The following DBF4 variants were observed in gnomAD, a reference collection of about 807,000 sequenced individuals.
DBF4 encodes protein DBF4 homolog A.
Under a neutral mutation model 76.6 loss-of-function variants are expected in DBF4, and 25 were observed. That is an observed-to-expected ratio of 0.33 (90% CI 0.24 to 0.46). DBF4 has a LOEUF of 0.46. DBF4 is among the 20% of genes least tolerant of loss of function. The pLI is 1.00. For missense variants in DBF4, 638 were observed against 760.8 expected, an observed-to-expected ratio of 0.84 and a Z score of 1.90; for synonymous variants, 213 against 258.0, an observed-to-expected ratio of 0.83 and a Z score of 1.67.
chr7:87,897,193 G>GT, intron 7 of DBF4, 101 bp from the exon 8 acceptor site: 3 of 1,134,590 alleles, frequency 2.6e-6, no homozygotes, highest in Non-Finnish European at 3.8e-6. Context: ...TGGATACATA[G>GT]TTTTTTGTTT....
chr7:87,907,077 A>T (rs1203885978), intron 11 of DBF4, 111 bp from the exon 12 acceptor site: 1 of 1,125,618 alleles, frequency 8.9e-7, no homozygotes, highest in Non-Finnish European at 1.2e-6. Flanking sequence ...CCTAAGTTAA[A>T]TAGGTTTCTT....
intron 8 of DBF4, 57 bp downstream of exon 8, chr7:87,897,396 CCTAA>C (rs1839669392): frequency 6.6e-6 from 10 of 1,513,240 alleles, no homozygotes; most frequent in East Asian, 4.5e-5. Context: ...AGGAAAATCA[CCTAA>C]CTAATTAGGC....
intron 11 of DBF4, among the ~76,000 whole-genome samples, chr7:87,906,167 A>C (rs1253120591): frequency 1.3e-5 from 2 of 151,898 alleles, no homozygotes; most frequent in African/African-American, 4.8e-5. Context: ...AAAAAAAACA[A>C]AAAACAAAAA....
chr7:87,876,964 C>G (rs1839068780), intron 1 of DBF4, among the ~76,000 whole-genome samples, 186 bp downstream of exon 1: 1 of 152,204 alleles, frequency 6.6e-6, no homozygotes, highest in Non-Finnish European at 1.5e-5. Context: ...TGACCCGGCC[C>G]CTCGAGCGCT....
At chr7:87,900,103 C>T in intron 8 of DBF4, 118 bp from the exon 9 acceptor site, 2 of 857,612 alleles carry the variant, frequency 2.3e-6, no homozygotes, top group South Asian at 1.8e-5. Context: ...TGAAGGAAAG[C>T]CTAAATAATT....
chr7:87,893,960 G>T (rs1839561259), intron 6 of DBF4, among the ~76,000 whole-genome samples: 1 of 151,940 alleles, frequency 6.6e-6, no homozygotes, highest in African/African-American at 2.4e-5. Flanking sequence ...TATTTTAGTG[G>T]TTGCTATAGG....
intron 1 of DBF4, 83 bp downstream of exon 1, chr7:87,876,861 C>T: frequency 6.8e-7 from 1 of 1,472,472 alleles, no homozygotes; most frequent in Non-Finnish European, 9.4e-7. Flanking sequence ...AGACTTCTCC[C>T]GCCGGGTCCT....
intron 10 of DBF4, among the ~76,000 whole-genome samples, chr7:87,903,200 A>G (rs1307672452): frequency 6.6e-6 from 1 of 152,230 alleles, no homozygotes; most frequent in South Asian, 2.1e-4. Flanking sequence ...CTACTGCCTC[A>G]GCCTCTCTGG....
chr7:87,894,299 T>A (rs954210432), intron 6 of DBF4, among the ~76,000 whole-genome samples: 1 of 152,012 alleles, frequency 6.6e-6, no homozygotes, highest in African/African-American at 2.4e-5. Context: ...CTACAAAAAA[T>A]ATATATATAA....
At position 87,876,539 on chromosome 7, in the gene DBF4, T is replaced by G. The variant is rs922731518; in HGVS notation, c.-194T>G. On this transcript the variant is annotated 5_prime_UTR_variant, in exon 1 of 12. Coordinates refer to ENST00000265728, the MANE Select transcript of DBF4 (RefSeq NM_006716.4). ...CACTCGTTTGTGCTTTGCGCCTTCCTCCTCCGCGCCTTGGAGCCGGATCCG... is the reference window on the plus strand; with the variant it reads ...CACTCGTTTGTGCTTTGCGCCTTCCGCCTCCGCGCCTTGGAGCCGGATCCG... The G allele has an allele frequency of 8.1e-6, 5 of 615,834 alleles. No homozygotes were observed. Among genetic ancestry groups the G allele is most frequent in the Non-Finnish European group, 1.4e-5 (5 of 347,124 alleles). 38.1% of individuals were successfully genotyped at this position (615,834 alleles called of 1,614,324 possible). A position where few individuals can be genotyped will look rare whatever the true frequency, so the allele number is the denominator to read the frequency against.
chr7:87,886,757 A>C (rs1489563101), intron 3 of DBF4, 87 bp from the exon 4 acceptor site: 1 of 834,404 alleles, frequency 1.2e-6, no homozygotes, highest in Non-Finnish European at 2.0e-6. Context: ...TATGAGACCC[A>C]AAAGTTCTCT....
chr7:87,898,119 CTGCCA>C (rs1474850545), intron 8 of DBF4, among the ~76,000 whole-genome samples: 2 of 152,214 alleles, frequency 1.3e-5, no homozygotes, highest in Non-Finnish European at 2.9e-5. Flanking sequence ...ATAAATAGGC[CTGCCA>C]TGAGAGAATT....
rs924007023 is a variant in DBF4, at chr7:87,908,304, A to G, written c.*141A>G. 55 of 906,502 alleles carry G rather than the reference A, an allele frequency of 6.1e-5. No homozygotes were observed. In the African/African-American group the frequency reaches 8.4e-4, roughly 14 times the overall value. 56.2% of individuals were successfully genotyped at this position (906,502 alleles called of 1,614,324 possible). ...TAAATATTAAAAATAAATATTTGCA[A>G]TTTTCTACAGAATTGAATACCTGTT... is the stretch of plus-strand genomic sequence containing the variant. On this transcript the variant is annotated 3_prime_UTR_variant, in exon 12 of 12. Coordinates refer to ENST00000265728, the MANE Select transcript of DBF4 (RefSeq NM_006716.4).
intron 7 of DBF4, among the ~76,000 whole-genome samples, chr7:87,896,753 A>C (rs1839650152): frequency 6.6e-6 from 1 of 152,210 alleles, no homozygotes; most frequent in African/African-American, 2.4e-5. Context: ...ATTAAAATGT[A>C]GTTACCAAAA....
intron 9 of DBF4, 59 bp downstream of exon 9, chr7:87,900,408 T>C (rs1839747982): frequency 2.6e-6 from 4 of 1,521,336 alleles, no homozygotes; most frequent in Non-Finnish European, 3.5e-6. Flanking sequence ...AATTTTTCTT[T>C]GTAAAGATTT....
In DBF4 at chr7:87,907,514, A is replaced by G; in HGVS notation, c.1376A>G (p.Glu459Gly). ...TQLPLHKNKQ[E>G]CILDISEHTL... ...CTACCTCTACATAAAAACAAACAGGAATGCATTCTTGACATTTCCGAACAC... is the reference window on the plus strand; with the variant it reads ...CTACCTCTACATAAAAACAAACAGGGATGCATTCTTGACATTTCCGAACAC... Residue 459 changes from glutamate to glycine, a missense_variant, in exon 12 of 12, where the codon GAA becomes GGA. Physicochemically the swap from Glu to Gly is moderately conservative, Grantham distance 98. Transcript: ENST00000265728. 2 of 1,614,090 alleles carry G rather than the reference A, an allele frequency of 1.2e-6. No homozygotes were observed. Among genetic ancestry groups the G allele is most frequent in the Non-Finnish European group, 1.7e-6 (2 of 1,179,960 alleles).
intron 6 of DBF4, among the ~76,000 whole-genome samples, chr7:87,893,966 A>C (rs991068120): frequency 6.6e-6 from 1 of 152,070 alleles, no homozygotes; most frequent in African/African-American, 2.4e-5. Context: ...AGTGGTTGCT[A>C]TAGGATTTAC....
intron 3 of DBF4, 30 bp downstream of exon 3, chr7:87,885,188 A>T: frequency 6.4e-7 from 1 of 1,551,386 alleles, no homozygotes. Context: ...TTTGAGACTC[A>T]GAAGGGCTAT....
intron 1 of DBF4, 87 bp from the exon 2 acceptor site, chr7:87,877,966 T>A (rs1839111690): frequency 9.1e-7 from 1 of 1,096,282 alleles, no homozygotes; most frequent in Non-Finnish European, 1.3e-6. Flanking sequence ...TTGTAAGGAT[T>A]TTTATTCTGT....
Sources: gnomAD v4.1 joint callset for allele counts (sites outside exome capture counted in the v4.1 genomes callset) on GRCh38, gnomAD v4.1.1 for gene constraint, MANE v1.5 for transcripts, NCBI Gene and HGNC (gene_info 2026-07-23, HGNC 2026-07-21) for gene names.